Variants in FRMPD4 observed in about 807,000 individuals in gnomAD.
The protein encoded by FRMPD4 is FERM and PDZ domain-containing protein 4.
Under a neutral mutation model 94.1 loss-of-function variants are expected in FRMPD4, and 22 were observed. That is an observed-to-expected ratio of 0.23 (90% CI 0.17 to 0.33). FRMPD4 has a LOEUF of 0.33. Ranked by LOEUF, FRMPD4 falls within the 10% of genes least tolerant of loss-of-function variation. FRMPD4 has a pLI of 1.00. For missense variants in FRMPD4, 1,111 were observed against 1,339.9 expected (o/e 0.83, Z 2.67); for synonymous variants, 631 against 548.6 (o/e 1.15, Z -2.10).
intron 1 of FRMPD4, among the ~76,000 whole-genome samples, chrX:12,276,281 G>A (rs1020547598): frequency 1.8e-5 from 2 of 112,127 alleles, no homozygotes; most frequent in African/African-American, 6.5e-5. Flanking sequence ...GTGACCAAAG[G>A]ACGATGACAC....
intron 2 of FRMPD4, among the ~76,000 whole-genome samples, chrX:12,568,603 G>A (rs1182674443): frequency 8.9e-6 from 1 of 112,104 alleles, no homozygotes; most frequent in African/African-American, 3.2e-5. Flanking sequence ...CACCAGAAAT[G>A]GTAAGCATTG....
chrX:12,349,096 T>C (rs2055760843), intron 1 of FRMPD4, among the ~76,000 whole-genome samples: 1 of 111,062 alleles, frequency 9.0e-6, no homozygotes. Context: ...CTGTCCCCCC[T>C]GGAGACCCAT....
At chrX:12,402,244 G>GC (rs969922376) in intron 1 of FRMPD4, among the ~76,000 whole-genome samples, 11 of 107,219 alleles carry the variant, frequency 1.0e-4, no homozygotes, top group African/African-American at 3.7e-4. Context: ...ATAACCTTCT[G>GC]CGCCACCCCC....
chrX:12,169,833 C>A (rs2056189140), intron 1 of FRMPD4, among the ~76,000 whole-genome samples: 1 of 112,344 alleles, frequency 8.9e-6, no homozygotes, highest in Middle Eastern at 4.6e-3. Flanking sequence ...AAACACATGA[C>A]ATATAGAACT....
chrX:12,373,879 G>A (rs749180935), intron 1 of FRMPD4, among the ~76,000 whole-genome samples: 3 of 112,082 alleles, frequency 2.7e-5, no homozygotes, highest in South Asian at 7.4e-4. Context: ...GGAGGGTTCC[G>A]GGTTCGCTTG....
rs1052743190 is a variant in FRMPD4 at position 11,895,625 on chromosome X, G to A, written c.95+17607G>A. On this transcript the variant is annotated intron_variant, in intron 3 of 18. Coordinates refer to the FRMPD4 transcript ENST00000640291. ...TGGAAATGGGACTCCCCCTGCTGCT[G>A]CTGGTAACATTGCAGAGACAAGGGG... 2.3e-4 allele frequency among the ~76,000 whole-genome samples: 26 copies of A among 112,009 alleles called. No homozygotes were observed. In the Admixed American group the frequency reaches 2.5e-3, roughly 11 times the overall value.
intron 2 of FRMPD4, among the ~76,000 whole-genome samples, chrX:12,587,148 T>A (rs1400251967): frequency 9.1e-6 from 1 of 110,448 alleles, no homozygotes; most frequent in Non-Finnish European, 1.9e-5. Flanking sequence ...ATCTAATTTT[T>A]GTATTTTTAG....
intron 1 of FRMPD4, among the ~76,000 whole-genome samples, chrX:12,408,245 C>T (rs1015360711): frequency 9.4e-6 from 1 of 106,301 alleles, no homozygotes; most frequent in Non-Finnish European, 1.9e-5. Context: ...GACTTACATA[C>T]TAGATGTGTT....
chrX:12,704,238 T>C, intron 10 of FRMPD4, 121 bp from the exon 11 acceptor site: 1 of 454,233 alleles, frequency 2.2e-6, no homozygotes, highest in African/African-American at 2.4e-5. Context: ...CTTTGGGGAC[T>C]TGTCTCCATT....
intron 1 of FRMPD4, among the ~76,000 whole-genome samples, chrX:12,172,297 A>G (rs1356017435): frequency 9.1e-6 from 1 of 110,424 alleles, no homozygotes; most frequent in Non-Finnish European, 1.9e-5. Context: ...GGCTTTAGAA[A>G]CTAAGAACTC....
intron 1 of FRMPD4, among the ~76,000 whole-genome samples, chrX:12,381,928 A>G (rs1248646203): frequency 9.0e-6 from 1 of 111,501 alleles, no homozygotes; most frequent in Admixed American, 9.6e-5. Context: ...ACAGAGCCAC[A>G]GGGGAGAGTG....
intron 11 of FRMPD4, 41 bp from the exon 12 acceptor site, chrX:12,706,785 C>A (rs768041557): frequency 1.0e-5 from 7 of 701,996 alleles, no homozygotes; most frequent in African/African-American, 2.2e-5. Flanking sequence ...TGGAGTCATA[C>A]CCAATAGAGT....
At chrX:11,910,611 TCAC>T (rs2053991719) in intron 3 of FRMPD4, among the ~76,000 whole-genome samples, 1 of 111,569 alleles carries the variant, frequency 9.0e-6, no homozygotes, top group Non-Finnish European at 1.9e-5. Context: ...GGATGGGGTT[TCAC>T]CATGTTGCTC....
chrX:12,465,267 T>G (rs1165388196), intron 1 of FRMPD4, among the ~76,000 whole-genome samples: 1 of 112,230 alleles, frequency 8.9e-6, no homozygotes, highest in Non-Finnish European at 1.9e-5. Context: ...GATAAGGTGC[T>G]CATTTCTTTG....
chrX:12,416,530 T>C (rs2056803462), intron 1 of FRMPD4, among the ~76,000 whole-genome samples: 1 of 112,678 alleles, frequency 8.9e-6, no homozygotes, highest in Non-Finnish European at 1.9e-5. Flanking sequence ...TTTTTCGATT[T>C]ATGTAAGATC....
At chrX:12,716,010 C>CCCCCCCCA in intron 14 of FRMPD4, 59 bp from the exon 15 acceptor site, 2 of 336,945 alleles carry the variant, frequency 5.9e-6, no homozygotes, top group African/African-American at 2.8e-5. Context: ...CTCCCACCCC[C>CCCCCCCCA]GCCCCACCCA....
rs1333428877 is a variant in FRMPD4, at chrX:12,193,838, G to GAAAAGAAAAGA, written c.41+54829_41+54830insAGAAAAGAAAA. 1.0e-4 allele frequency among the ~76,000 whole-genome samples: 6 copies of GAAAAGAAAAGA among 59,959 alleles called. 1 individual carries two copies. Among genetic ancestry groups the GAAAAGAAAAGA allele is most frequent in the East Asian group, 1.0e-3 (1 of 1,003 alleles). The allele number at this position is 59,959 out of a possible 115,157, so 52.1% of individuals were successfully genotyped here. On this transcript the variant is annotated intron_variant, in intron 1 of 16. Transcript: ENST00000675598. ...AGGAAGGAAGGAAGGAGGGAAGGAA[G>GAAAAGAAAAGA]AAAGAAAAGAAAGAAAAAGGAAGGA...
chrX:11,892,365 G>A (rs750368086), intron 3 of FRMPD4, among the ~76,000 whole-genome samples: 3 of 112,161 alleles, frequency 2.7e-5, no homozygotes, highest in East Asian at 2.8e-4. Context: ...CATTTCTGCC[G>A]TAAAGATGGT....
intron 1 of FRMPD4, among the ~76,000 whole-genome samples, chrX:12,161,864 G>T (rs2056032226): frequency 8.9e-6 from 1 of 111,856 alleles, no homozygotes; most frequent in African/African-American, 3.3e-5. Context: ...ATTAATGGAA[G>T]TGGTTTATCT....
Sources: allele counts gnomAD v4.1 joint callset (sites outside exome capture counted in the v4.1 genomes callset), GRCh38; gene constraint gnomAD v4.1.1; transcripts MANE v1.5; gene names NCBI Gene and HGNC (gene_info 2026-07-23, HGNC 2026-07-21).